Variants in SKI observed in about 807,000 individuals in gnomAD.
SKI encodes ski oncogene.
In SKI, 23 loss-of-function variants were observed where a neutral mutation model predicts 59.3. The ratio of observed to expected loss-of-function variants is 0.39; its 90% CI spans 0.28 to 0.55. The LOEUF is 0.55. Among genes scored for constraint, SKI ranks in the 20% least tolerant of loss-of-function variants. SKI has a pLI of 0.67. For synonymous variants in SKI, 673 were observed against 488.6 expected, an observed-to-expected ratio of 1.38 and a Z score of -4.98; for missense variants, 1,017 against 1,038.9, an observed-to-expected ratio of 0.98 and a Z score of 0.29.
At chr1:2,251,320 A>T (rs963528000) in intron 1 of SKI, among the ~76,000 whole-genome samples, 1 of 151,662 alleles carries the variant, frequency 6.6e-6, no homozygotes, top group Non-Finnish European at 1.5e-5. Context: ...ATGGGGTCTC[A>T]CTCTGTGGCC....
intron 1 of SKI, among the ~76,000 whole-genome samples, chr1:2,250,633 C>T (rs966742938): frequency 1.3e-5 from 2 of 152,218 alleles, no homozygotes; most frequent in Non-Finnish European, 2.9e-5. Context: ...TGGGGTCCTC[C>T]CTGCTAAGCC....
chr1:2,289,759 G>T (rs1640122729), intron 1 of SKI, among the ~76,000 whole-genome samples: 1 of 152,176 alleles, frequency 6.6e-6, no homozygotes, highest in African/African-American at 2.4e-5. Context: ...CAGCATCTGG[G>T]TTGACGTCCC....
At chr1:2,296,395 C>G (rs1640285015) in intron 1 of SKI, among the ~76,000 whole-genome samples, 1 of 152,096 alleles carries the variant, frequency 6.6e-6, no homozygotes, top group African/African-American at 2.4e-5. Flanking sequence ...GACTCCGTCT[C>G]AAAAACAAAC....
rs750011416 is a variant in SKI, at chr1:2,303,111, G to A, written c.1095+8G>A. 1 of 1,613,052 alleles carries A rather than the reference G, an allele frequency of 6.2e-7. No individual in the cohort carries two copies. The highest frequency in any genetic ancestry group is 8.5e-7 in the Non-Finnish European group (1 of 1,180,038). On this transcript the variant is annotated splice_region_variant and intron_variant, in intron 2 of 6. Transcript: ENST00000378536. The surrounding 1 kb of genome is among the most constrained non-coding windows in gnomAD (Gnocchi z 5.6). The stretch of plus-strand genomic sequence containing the variant: ...GCCGGCTCTTCCAATAAGGTGCTGT[G>A]GGGCCTGTCGGGGTCCTTGGGGTGG...
intron 1 of SKI, among the ~76,000 whole-genome samples, chr1:2,239,395 A>G (rs1409601155): frequency 1.3e-5 from 2 of 152,036 alleles, no homozygotes; most frequent in African/African-American, 4.8e-5. Flanking sequence ...TGGCTCTTCG[A>G]GTCAAGCCGG....
At chr1:2,295,587 G>T (rs981115182) in intron 1 of SKI, among the ~76,000 whole-genome samples, 3 of 152,174 alleles carry the variant, frequency 2.0e-5, no homozygotes, top group African/African-American at 7.2e-5. Context: ...CCATTGGCCT[G>T]TCCTGGTCAT....
chr1:2,255,730 T>C (rs562942263), intron 1 of SKI, among the ~76,000 whole-genome samples: 4 of 151,630 alleles, frequency 2.6e-5, no homozygotes, highest in Admixed American at 2.6e-4. Flanking sequence ...TATCCTGATA[T>C]CATTTCCTGT....
chr1:2,275,141 T>C (rs1331698263), intron 1 of SKI, among the ~76,000 whole-genome samples: 1 of 152,190 alleles, frequency 6.6e-6, no homozygotes, highest in Non-Finnish European at 1.5e-5. Context: ...GAGAGGAGCT[T>C]CTAGAGATGG....
At chr1:2,274,147 G>A (rs559659709) in intron 1 of SKI, among the ~76,000 whole-genome samples, 1 of 152,020 alleles carries the variant, frequency 6.6e-6, no homozygotes, top group East Asian at 1.9e-4. Context: ...TTTGTCAATG[G>A]CACTGGTTTT....
chr1:2,254,111 G>A lies in SKI; in HGVS notation c.969+24376G>A, dbSNP rs139166852. The stretch of plus-strand genomic sequence containing the variant: ...CTAGACATTCCAGGTGGGCTCCAGT[G>A]ACCATGAGGGGCTGGGGTTGGCACT... On this transcript the variant is annotated intron_variant, in intron 1 of 6. Coordinates refer to ENST00000378536, the MANE Select transcript of SKI (RefSeq NM_003036.4). Among the ~76,000 whole-genome samples the A allele has an allele frequency of 1.7e-3, 260 of 152,342 alleles. 1 individual carries two copies. The highest frequency in any genetic ancestry group is 5.6e-3 in the African/African-American group (231 of 41,574).
chr1:2,230,085 G>A (rs1418515793), intron 1 of SKI, among the ~76,000 whole-genome samples: 1 of 152,216 alleles, frequency 6.6e-6, no homozygotes, highest in African/African-American at 2.4e-5. Context: ...CCCAGGTCAG[G>A]GAAGTTAGGT....
chr1:2,266,942 C>T (rs2100847189), intron 1 of SKI, among the ~76,000 whole-genome samples: 1 of 152,264 alleles, frequency 6.6e-6, no homozygotes, highest in African/African-American at 2.4e-5. Flanking sequence ...GCCTCTGCTT[C>T]AGGGAGGAAG....
intron 1 of SKI, among the ~76,000 whole-genome samples, chr1:2,237,006 A>G (rs1638762255): frequency 1.3e-5 from 2 of 152,184 alleles, no homozygotes; most frequent in Admixed American, 1.3e-4. Context: ...CATGGGTGGC[A>G]GGGGATGCCA....
At chr1:2,283,483 G>A (rs72927848) in intron 1 of SKI, among the ~76,000 whole-genome samples, 6,634 of 152,334 alleles carry the variant, frequency 0.044, 502 homozygotes, top group African/African-American at 0.15. Context: ...TGATTCTCCT[G>A]CAACCATGTG....
At chr1:2,230,703 C>T (rs1022624688) in intron 1 of SKI, among the ~76,000 whole-genome samples, 2 of 152,190 alleles carry the variant, frequency 1.3e-5, no homozygotes, top group African/African-American at 2.4e-5. Context: ...CGTACCTCCC[C>T]AAGTATTTGT....
rs757313033 is a variant in SKI at position 2,229,699 on chromosome 1, C to T, written c.933C>T (p.Phe311=). The T allele has an allele frequency of 5.0e-6, 8 of 1,593,678 alleles. No individual in the cohort carries two copies. Among genetic ancestry groups the T allele is most frequent in the South Asian group, 4.5e-5 (4 of 88,688 alleles). Residue 311 remains phenylalanine (F), a synonymous_variant, in exon 1 of 7, where the codon TTC becomes TTT. Transcript: ENST00000378536. The surrounding 1 kb of genome is among the most constrained non-coding windows in gnomAD (Gnocchi z 6.3). ...GRCLDDVKEK[F]DYGNKYKRRV... is the part of the protein sequence containing the mutation. The stretch of plus-strand genomic sequence containing the variant: ...GCCTGGACGACGTGAAGGAGAAATT[C>T]GACTATGGCAACAAGTACAAGCGGC...
intron 1 of SKI, among the ~76,000 whole-genome samples, chr1:2,290,102 G>T (rs1194148162): frequency 3.3e-5 from 5 of 152,180 alleles, no homozygotes; most frequent in Non-Finnish European, 5.9e-5. Flanking sequence ...CCTAGAGTGG[G>T]GAGGGAGTCG....
At position 2,229,234 on chromosome 1, in the gene SKI, C is replaced by G; in HGVS notation, c.468C>G (p.Asp156Glu). The change falls in exon 1 of 7, where the codon GAC becomes GAG. Residue 156 changes from aspartate (D) to glutamate (E), a missense_variant. Asp to Glu is a conservative substitution (Grantham distance 45, BLOSUM62 2). Coordinates refer to ENST00000378536, the MANE Select transcript of SKI (RefSeq NM_003036.4). The surrounding 1 kb of genome is among the most constrained non-coding windows in gnomAD (Gnocchi z 6.3). The stretch of plus-strand genomic sequence containing the variant: ...TCTACTGCTCGCGCTGCACGGCCGA[C>G]CAGCTGGAGATCCTCAAAGTCATGG... ...LHIYCSRCTADQLEILKVMGI... is the reference protein window; with the variant it reads ...LHIYCSRCTAEQLEILKVMGI... 6.2e-7 allele frequency: 1 copy of G among 1,605,980 alleles called. No individual in the cohort carries two copies. The highest frequency in any genetic ancestry group is 8.5e-7 in the Non-Finnish European group (1 of 1,176,838).
At chr1:2,295,922 C>T (rs1351781124) in intron 1 of SKI, among the ~76,000 whole-genome samples, 2 of 152,202 alleles carry the variant, frequency 1.3e-5, no homozygotes, top group Non-Finnish European at 2.9e-5. Context: ...TGTGTGTTTT[C>T]AGTAACCTGC....
Sources: gnomAD v4.1 joint callset for allele counts (sites outside exome capture counted in the v4.1 genomes callset) on GRCh38, gnomAD v4.1.1 for gene constraint, Gnocchi (gnomAD v3.1) non-coding constraint, MANE v1.5 for transcripts, NCBI Gene and HGNC (gene_info 2026-07-23, HGNC 2026-07-21) for gene names.